The following BTLA variants were observed in gnomAD, a reference collection of about 807,000 sequenced individuals.
The protein encoded by BTLA is B and T lymphocyte associated, also known as B- and T-lymphocyte attenuator.
BTLA carries 11 observed loss-of-function variants against 25.0 expected under a neutral mutation model. That is an observed-to-expected ratio of 0.44 (90% CI 0.28 to 0.73). The LOEUF (loss-of-function observed/expected upper bound fraction) is 0.73. BTLA is among the 30% of genes least tolerant of loss of function. The pLI, the probability that BTLA is intolerant of heterozygous loss-of-function variation, is 0.15. For missense variants in BTLA, 282 were observed against 332.8 expected (o/e 0.85, Z 1.19); for synonymous variants, 104 against 119.8 (o/e 0.87, Z 0.86).
chr3:112,488,443 C>T lies in BTLA; in HGVS notation c.89-8674G>A, dbSNP rs187415828. Among the ~76,000 whole-genome samples the T allele has an allele frequency of 2.0e-4, 31 of 152,204 alleles. No individual in the cohort carries two copies. The East Asian group carries it at 5.8e-3, about 29-fold the overall frequency. On this transcript the variant is annotated intron_variant, in intron 1 of 4. Coordinates refer to ENST00000334529, the MANE Select transcript of BTLA (RefSeq NM_181780.4). ...TTTACCCGGTTAACCAGGATGGTCT[C>T]GATCTCCTGACCTCGTGATCCGCCC...
At chr3:112,499,185 C>T (rs1456776040) in intron 1 of BTLA, 86 bp downstream of exon 1, 2 of 955,088 alleles carry the variant, frequency 2.1e-6, no homozygotes, top group Non-Finnish European at 1.7e-6. Context: ...ATAAACGTTA[C>T]ACCGTACTAA....
intron 1 of BTLA, among the ~76,000 whole-genome samples, chr3:112,494,815 G>T (rs778615992): frequency 3.3e-5 from 5 of 152,112 alleles, no homozygotes; most frequent in African/African-American, 4.8e-5. Flanking sequence ...AAACCATCAT[G>T]GCACACGTAT....
intron 1 of BTLA, among the ~76,000 whole-genome samples, chr3:112,481,832 A>AT (rs916225473): frequency 1.2e-4 from 18 of 152,054 alleles, no homozygotes; most frequent in Admixed American, 2.0e-4. Context: ...TTTTTAAGTC[A>AT]TTTTTTTCCC....
Position 112,479,563 on chromosome 3 carries a change from T to A in BTLA, c.295A>T (p.Ile99Phe), listed in dbSNP as rs2082306535. The A allele has an allele frequency of 1.9e-6, 3 of 1,613,952 alleles. No homozygotes were observed. The highest frequency in any genetic ancestry group is 2.5e-6 in the Non-Finnish European group (3 of 1,179,918). The change falls in exon 2 of 5, where the codon ATT (isoleucine) becomes TTT (phenylalanine). Residue 99 changes from isoleucine (I) to phenylalanine (F), a missense_variant. Coordinates refer to ENST00000334529, the MANE Select transcript of BTLA (RefSeq NM_181780.4). Reference protein sequence around the residue: ...WKEEKNISFFILHFEPVLPND... With the variant: ...WKEEKNISFFFLHFEPVLPND... Reference sequence around the variant, plus strand: ...GGAAGCACTGGTTCAAAATGTAGAATGAAAAATGAAATGTTCTTCTCTTCC... The same window carrying A: ...GGAAGCACTGGTTCAAAATGTAGAAAGAAAAATGAAATGTTCTTCTCTTCC...
At chr3:112,492,815 A>T (rs2082387256) in intron 1 of BTLA, among the ~76,000 whole-genome samples, 2 of 152,226 alleles carry the variant, frequency 1.3e-5, no homozygotes, top group South Asian at 4.1e-4. Context: ...CAAATACTGG[A>T]TAATAGGCCA....
intron 2 of BTLA, among the ~76,000 whole-genome samples, chr3:112,474,178 A>G (rs2082277485): frequency 6.6e-6 from 1 of 152,278 alleles, no homozygotes; most frequent in African/African-American, 2.4e-5. Context: ...TATAAAAACA[A>G]GAAAATGTCC....
chr3:112,496,651 A>G (rs1195917870), intron 1 of BTLA, among the ~76,000 whole-genome samples: 1 of 152,262 alleles, frequency 6.6e-6, no homozygotes, highest in Non-Finnish European at 1.5e-5. Context: ...CTGGGAGAAC[A>G]AATTTCACCA....
chr3:112,495,670 A>G (rs2082405547), intron 1 of BTLA, among the ~76,000 whole-genome samples: 1 of 152,236 alleles, frequency 6.6e-6, no homozygotes, highest in Non-Finnish European at 1.5e-5. Context: ...ACAGAGCTCT[A>G]TCTCTAGCAT....
chr3:112,466,507 C>T (rs2082228283), intron 4 of BTLA, 124 bp from the exon 5 acceptor site: 6 of 822,444 alleles, frequency 7.3e-6, no homozygotes, highest in Middle Eastern at 3.8e-4. Flanking sequence ...ATCTACTGTT[C>T]CTCACATACT....
intron 1 of BTLA, among the ~76,000 whole-genome samples, chr3:112,480,612 G>A (rs889233432): frequency 6.6e-6 from 1 of 152,100 alleles, no homozygotes; most frequent in African/African-American, 2.4e-5. Flanking sequence ...AGAGAAAAAT[G>A]GGGGCCAAAA....
rs572744567 is a variant in BTLA at position 112,489,004 on chromosome 3, T to C, written c.89-9235A>G. Among the ~76,000 whole-genome samples the C allele has an allele frequency of 7.2e-5, 11 of 152,284 alleles. No homozygotes were observed. The South Asian group carries it at 2.3e-3, about 32-fold the overall frequency. On this transcript the variant is annotated intron_variant, in intron 1 of 4. Transcript: ENST00000334529. ...CTTGATGGTGTGTTACCTTTCTATGTAGTACTGGTTGCACAGCAGAGACAG... is the reference window on the plus strand; with the variant it reads ...CTTGATGGTGTGTTACCTTTCTATGCAGTACTGGTTGCACAGCAGAGACAG...
Position 112,465,399 on chromosome 3 carries a change from C to T in BTLA, c.*709G>A, listed in dbSNP as rs1017645797. Reference sequence around the variant, plus strand: ...TTAGTCTATGTGACCCAGTGAGTCTCTACTTTCCTCATAAATGTGCTATAC... The same window carrying T: ...TTAGTCTATGTGACCCAGTGAGTCTTTACTTTCCTCATAAATGTGCTATAC... On this transcript the variant is annotated 3_prime_UTR_variant, in exon 5 of 5. Coordinates refer to ENST00000334529, the MANE Select transcript of BTLA (RefSeq NM_181780.4). 1.3e-5 allele frequency: 2 copies of T among 152,638 alleles called. No individual in the cohort carries two copies. The highest frequency in any genetic ancestry group is 2.9e-5 in the Non-Finnish European group (2 of 68,036). 9.5% of individuals were successfully genotyped at this position (152,638 alleles called of 1,614,324 possible). A position where few individuals can be genotyped will look rare whatever the true frequency, so the allele number is the denominator to read the frequency against.
chr3:112,499,471 CTA>C, exon 1 of BTLA: 1 of 344,632 alleles, frequency 2.9e-6, no homozygotes, highest in South Asian at 1.1e-4. Flanking sequence ...TGTGAAATAA[CTA>C]AAAAAAAAAA....
intron 2 of BTLA, among the ~76,000 whole-genome samples, chr3:112,476,448 A>T (rs1335526646): frequency 6.6e-6 from 1 of 152,248 alleles, no homozygotes; most frequent in East Asian, 1.9e-4. Flanking sequence ...AATTAATTTT[A>T]AAAAGATCAG....
At chr3:112,494,754 G>A (rs2082399887) in intron 1 of BTLA, among the ~76,000 whole-genome samples, 1 of 152,106 alleles carries the variant, frequency 6.6e-6, no homozygotes, top group Admixed American at 6.5e-5. Context: ...AGCCTGTTGG[G>A]GAGTAGGGGG....
chr3:112,469,780 G>A lies in BTLA; in HGVS notation c.572C>T (p.Thr191Ile). ...TACCAGGTTAATTTCCCTTCCTGCT[G>A]TGTCAGAGAGTTCATTTTGCTTTCC... ...HQGKQNELSDTAGREINLVDA... is the reference protein window; with the variant it reads ...HQGKQNELSDIAGREINLVDA... The change falls in exon 4 of 5, where the codon ACA becomes ATA. Residue 191 changes from threonine to isoleucine, a missense_variant. Transcript: ENST00000334529. 2 of 1,609,540 alleles carry A rather than the reference G, an allele frequency of 1.2e-6. No homozygotes were observed. The highest frequency in any genetic ancestry group is 1.7e-6 in the Non-Finnish European group (2 of 1,178,760).
chr3:112,476,748 TACTC>T (rs928716634), intron 2 of BTLA, among the ~76,000 whole-genome samples: 7 of 152,320 alleles, frequency 4.6e-5, no homozygotes, highest in Non-Finnish European at 8.8e-5. Context: ...GCATGTAAGA[TACTC>T]ACAATGTTTT....
chr3:112,479,628 G>T lies in BTLA; in HGVS notation c.230C>A (p.Thr77Lys), dbSNP rs1346790154. ...TCTATCTTCAAGTTTTACACATGTTGTTCCATTGAGCTTGCACCAAGTCAC... is the reference window on the plus strand; with the variant it reads ...TCTATCTTCAAGTTTTACACATGTTTTTCCATTGAGCTTGCACCAAGTCAC... ...PHVTWCKLNGTTCVKLEDRQT... is the reference protein window; with the variant it reads ...PHVTWCKLNGKTCVKLEDRQT... The change falls in exon 2 of 5, where the codon ACA becomes AAA. Residue 77 changes from threonine to lysine, a missense_variant. Physicochemically the swap from Thr to Lys is moderately conservative, Grantham distance 78. Transcript: ENST00000334529. 1.2e-6 allele frequency: 2 copies of T among 1,614,094 alleles called. No individual in the cohort carries two copies. Among genetic ancestry groups the T allele is most frequent in the East Asian group, 4.5e-5 (2 of 44,876 alleles).
chr3:112,499,322 A>G lies in BTLA; in HGVS notation c.37T>C (p.Leu13=). The stretch of plus-strand genomic sequence containing the variant: ...GGGATTAAGAAGAAGACCCAAAATA[A>G]TTTCCCAGTTCCAAGCATGGCAGGC... The part of the protein sequence containing the change: ...TLPAMLGTGK[L]FWVFFLIPYL... Residue 13 remains leucine (L), a synonymous_variant, in exon 1 of 5, where the codon TTA becomes CTA. Transcript: ENST00000334529. 1 of 1,613,794 alleles carries G rather than the reference A, an allele frequency of 6.2e-7. No individual in the cohort carries two copies. Among genetic ancestry groups the G allele is most frequent in the South Asian group, 1.1e-5 (1 of 91,052 alleles).
Sources: allele counts gnomAD v4.1 joint callset (sites outside exome capture counted in the v4.1 genomes callset), GRCh38; gene constraint gnomAD v4.1.1; transcripts MANE v1.5; gene names NCBI Gene and HGNC (gene_info 2026-07-23, HGNC 2026-07-21).